HDAC9: variants seen among roughly 807,000 people sequenced by gnomAD.
The protein encoded by HDAC9 is MEF-2 interacting transcription repressor (MITR) protein.
HDAC9 carries 41 observed loss-of-function variants against 139.4 expected under a neutral mutation model. That is an observed-to-expected ratio of 0.29 (90% CI 0.23 to 0.38). The LOEUF (loss-of-function observed/expected upper bound fraction) is 0.38. HDAC9 is among the 10% of genes least tolerant of loss of function. The pLI is 1.00. For missense variants in HDAC9, 1,147 were observed against 1,297.0 expected (o/e 0.88, Z 1.78); for synonymous variants, 517 against 476.2 (o/e 1.09, Z -1.12).
chr7:18,906,439 CAAATGTCTTTTTCTAAATACAGATAT>C (rs1227441057), intron 22 of HDAC9, among the ~76,000 whole-genome samples: 9 of 152,278 alleles, frequency 5.9e-5, no homozygotes, highest in Non-Finnish European at 7.4e-5. Flanking sequence ...GCCATGTTGC[CAAATGTCTTTTTCTAAATACAGATAT>C]AAATGTCTTT....
chr7:18,114,854 A>G (rs760616148), intron 1 of HDAC9, among the ~76,000 whole-genome samples: 3 of 152,224 alleles, frequency 2.0e-5, no homozygotes, highest in African/African-American at 4.8e-5. Flanking sequence ...GTGTGGGACT[A>G]TATATTCAGA....
At chr7:18,938,012 A>C (rs1781761237) in intron 23 of HDAC9, among the ~76,000 whole-genome samples, 1 of 152,126 alleles carries the variant, frequency 6.6e-6, no homozygotes. Flanking sequence ...TGTTTTTCTT[A>C]ATTTATCTGT....
chr7:18,648,350 T>C (rs760131659), intron 10 of HDAC9, 116 bp from the exon 11 acceptor site: 12 of 854,976 alleles, frequency 1.4e-5, no homozygotes, highest in Non-Finnish European at 2.2e-5. Flanking sequence ...TTCTTACAGT[T>C]TATACCATGT....
chr7:18,624,481 C>G (rs1241807788), intron 6 of HDAC9, among the ~76,000 whole-genome samples: 1 of 152,130 alleles, frequency 6.6e-6, no homozygotes, highest in Non-Finnish European at 1.5e-5. Context: ...AGCTTGCCTT[C>G]TGTTTCTATG....
rs372517555 is a variant in HDAC9 at position 18,442,791 on chromosome 7, C to T, written c.-41-53471C>T. ...TTCAGTGGTTGGATAGTCAAGATAGCGCCTGGTTAATTAGCAGCTGGTTTG... is the reference window on the plus strand; with the variant it reads ...TTCAGTGGTTGGATAGTCAAGATAGTGCCTGGTTAATTAGCAGCTGGTTTG... On this transcript the variant is annotated intron_variant, in intron 1 of 3. Transcript: ENST00000413509. Among the ~76,000 whole-genome samples, 297 of 152,230 alleles carry T rather than the reference C, an allele frequency of 2.0e-3. 2 individuals are homozygous for T. Among genetic ancestry groups the T allele is most frequent in the African/African-American group, 5.8e-3 (240 of 41,544 alleles).
Position 18,156,208 on chromosome 7 carries a change from A to G in HDAC9, c.-96-6021A>G, listed in dbSNP as rs970508133. ...TAAAAAGATGGATGTCCTTGGGGAA[A>G]AAAAGCTGAGGCTAATAAGGTGAGA... On this transcript the variant is annotated intron_variant, in intron 1 of 12. Coordinates refer to the HDAC9 transcript ENST00000417496. 4.6e-5 allele frequency among the ~76,000 whole-genome samples: 7 copies of G among 152,338 alleles called. No individual in the cohort carries two copies. In the Middle Eastern group the frequency reaches 0.01, roughly 222 times the overall value.
At chr7:18,118,666 C>G (rs1172913234) in intron 1 of HDAC9, among the ~76,000 whole-genome samples, 1 of 152,140 alleles carries the variant, frequency 6.6e-6, no homozygotes, top group Non-Finnish European at 1.5e-5. Flanking sequence ...TATTATTACT[C>G]CACACCCTAC....
At chr7:18,330,238 G>T (rs2128646137) in intron 1 of HDAC9, among the ~76,000 whole-genome samples, 1 of 151,698 alleles carries the variant, frequency 6.6e-6, no homozygotes, top group South Asian at 2.1e-4. Context: ...GTGAAGCTCT[G>T]TGATAATAGT....
At chr7:18,683,861 T>C (rs1411975951) in intron 12 of HDAC9, among the ~76,000 whole-genome samples, 1 of 152,062 alleles carries the variant, frequency 6.6e-6, no homozygotes, top group Non-Finnish European at 1.5e-5. Context: ...TTTCAAACTT[T>C]TTTAATTTTC....
intron 1 of HDAC9, among the ~76,000 whole-genome samples, chr7:18,087,535 G>A (rs1293792712): frequency 6.6e-6 from 1 of 152,146 alleles, no homozygotes; most frequent in Non-Finnish European, 1.5e-5. Flanking sequence ...TGTTGGAGCC[G>A]AGCTATGAAT....
intron 2 of HDAC9, among the ~76,000 whole-genome samples, chr7:18,258,618 A>G (rs1795436886): frequency 6.6e-6 from 1 of 152,234 alleles, no homozygotes; most frequent in Non-Finnish European, 1.5e-5. Flanking sequence ...TTTATACAGA[A>G]GAAGAAACTA....
intron 6 of HDAC9, among the ~76,000 whole-genome samples, chr7:18,609,441 C>A (rs1230199541): frequency 6.6e-6 from 1 of 152,156 alleles, no homozygotes; most frequent in South Asian, 2.1e-4. Context: ...AAGGCAGGCA[C>A]ATGTGTGGCA....
At chr7:18,097,027 T>C (rs577911420) in intron 1 of HDAC9, among the ~76,000 whole-genome samples, 3 of 152,272 alleles carry the variant, frequency 2.0e-5, no homozygotes, top group Admixed American at 6.5e-5. Context: ...AAATATTCTA[T>C]GTCTATGCTC....
chr7:18,314,214 G>A (rs1264866979), intron 1 of HDAC9, among the ~76,000 whole-genome samples: 1 of 152,142 alleles, frequency 6.6e-6, no homozygotes, highest in Non-Finnish European at 1.5e-5. Flanking sequence ...GGGTGAGGAG[G>A]CCATTGTATT....
chr7:18,272,392 A>G (rs1008494117), intron 2 of HDAC9, among the ~76,000 whole-genome samples: 2 of 152,168 alleles, frequency 1.3e-5, no homozygotes, highest in African/African-American at 2.4e-5. Flanking sequence ...TCTAAGAAGG[A>G]GTCAGTAGGA....
At chr7:18,990,936 C>A (rs1282171503) in intron 25 of HDAC9, among the ~76,000 whole-genome samples, 2 of 152,224 alleles carry the variant, frequency 1.3e-5, no homozygotes, top group Admixed American at 1.3e-4. Context: ...TGACCTGCGC[C>A]CACTGTCTGG....
intron 1 of HDAC9, among the ~76,000 whole-genome samples, chr7:18,409,849 AC>A (rs1788377352): frequency 6.6e-6 from 1 of 152,218 alleles, no homozygotes; most frequent in African/African-American, 2.4e-5. Context: ...GCTAAATTAA[AC>A]ATTTGCCCGA....
chr7:18,317,402 C>G (rs1412011332), intron 1 of HDAC9, among the ~76,000 whole-genome samples: 3 of 152,082 alleles, frequency 2.0e-5, no homozygotes, highest in African/African-American at 7.2e-5. Context: ...GAGGGCGTTG[C>G]TCTTAATATA....
chr7:18,170,457 A>G (rs1037379618), intron 2 of HDAC9, among the ~76,000 whole-genome samples: 2 of 151,658 alleles, frequency 1.3e-5, no homozygotes, highest in Non-Finnish European at 2.9e-5. Context: ...ATGAGATCCC[A>G]TTTGTCTATT....
Sources: gnomAD v4.1 joint callset for allele counts (sites outside exome capture counted in the v4.1 genomes callset) on GRCh38, gnomAD v4.1.1 for gene constraint, MANE v1.5 for transcripts, NCBI Gene and HGNC (gene_info 2026-07-23, HGNC 2026-07-21) for gene names.